RPGRIP1L: variants seen among roughly 807,000 people sequenced by gnomAD.
RPGRIP1L encodes the protein RPGRIP1 like.
In RPGRIP1L, 131 loss-of-function variants were observed where a neutral mutation model predicts 160.4. The observed-to-expected ratio is 0.82, with a 90% CI of 0.71 to 0.94. The LOEUF is 0.94. RPGRIP1L is among the 40% of genes least tolerant of loss of function. The pLI is 0.00. For missense variants in RPGRIP1L, 1,522 were observed against 1,535.8 expected (o/e 0.99, Z 0.15); for synonymous variants, 510 against 515.8 (o/e 0.99, Z 0.15).
chr16:53,657,869 T>C (rs1474396371), intron 12 of RPGRIP1L, among the ~76,000 whole-genome samples: 2 of 152,108 alleles, frequency 1.3e-5, no homozygotes, highest in East Asian at 1.9e-4. Flanking sequence ...GGAACAGTTA[T>C]AGAGAAATCA....
chr16:53,626,230 A>C (rs1965168309), intron 22 of RPGRIP1L, among the ~76,000 whole-genome samples: 1 of 152,092 alleles, frequency 6.6e-6, no homozygotes. Context: ...ATACTGATTC[A>C]AATGACAGTA....
chr16:53,619,167 A>G lies in RPGRIP1L; in HGVS notation c.3474T>C (p.Leu1158=). 6.2e-7 allele frequency: 1 copy of G among 1,613,994 alleles called. No homozygotes were observed. Among genetic ancestry groups the G allele is most frequent in the South Asian group, 1.1e-5 (1 of 91,076 alleles). ...KIRIEIIALS[L]NDSQVTMDDT... ...CATCCATGGTTACTTGAGAATCATTAAGGCTTAGAGCTATGATCTCAATCC... is the reference window on the plus strand; with the variant it reads ...CATCCATGGTTACTTGAGAATCATTGAGGCTTAGAGCTATGATCTCAATCC... Residue 1158 remains leucine (L), a synonymous_variant, in exon 24 of 27, where the codon CTT becomes CTC. Coordinates refer to ENST00000647211, the MANE Select transcript of RPGRIP1L (RefSeq NM_015272.5).
Position 53,601,829 on chromosome 16 carries a change from T to C in RPGRIP1L, c.*247A>G, listed in dbSNP as rs1963390918. On this transcript the variant is annotated 3_prime_UTR_variant, in exon 27 of 27. Transcript: ENST00000647211. ...CACGCTATCACGTAGGTATAAATTA[T>C]TGAGAAGGTACTGCCCATTATGGAG... The C allele has an allele frequency of 8.9e-6, 4 of 449,308 alleles. No individual in the cohort carries two copies. Among genetic ancestry groups the C allele is most frequent in the Non-Finnish European group, 1.2e-5 (3 of 244,932 alleles). 27.8% of individuals were successfully genotyped at this position (449,308 alleles called of 1,614,324 possible).
chr16:53,602,120 G>A lies in RPGRIP1L; in HGVS notation c.3904C>T (p.Leu1302Phe). 1 of 1,613,816 alleles carries A rather than the reference G, an allele frequency of 6.2e-7. No individual in the cohort carries two copies. The highest frequency in any genetic ancestry group is 8.5e-7 in the Non-Finnish European group (1 of 1,179,784). Residue 1302 changes from leucine (L) to phenylalanine (F), a missense_variant, in exon 27 of 27, where the codon CTC becomes TTC. Transcript: ENST00000647211. ...LRVTVEALHA[L>F]QSVYKQYRDD... ...CTGTATTGCTTGTAGACAGACTGGA[G>A]GGCATGGAGAGCTTCGACTGTTACC... is the stretch of plus-strand genomic sequence containing the variant.
intron 6 of RPGRIP1L, among the ~76,000 whole-genome samples, chr16:53,676,299 T>C (rs1009958508): frequency 5.3e-5 from 8 of 152,118 alleles, no homozygotes; most frequent in African/African-American, 1.9e-4. Flanking sequence ...AATAATTATA[T>C]GTCTAAAACA....
intron 2 of RPGRIP1L, among the ~76,000 whole-genome samples, chr16:53,696,785 A>T (rs1335284373): frequency 6.6e-6 from 1 of 152,212 alleles, no homozygotes; most frequent in Non-Finnish European, 1.5e-5. Context: ...AAATTTAAAA[A>T]TTTTCATTTA....
chr16:53,627,839 T>C (rs1357119389), intron 22 of RPGRIP1L, among the ~76,000 whole-genome samples: 1 of 147,278 alleles, frequency 6.8e-6, no homozygotes, highest in Non-Finnish European at 1.5e-5. Context: ...ATTGCATATA[T>C]AATCTATAGT....
At chr16:53,655,588 A>G (rs1967184371) in intron 14 of RPGRIP1L, 1 of 152,200 alleles carries the variant, frequency 6.6e-6, no homozygotes, top group South Asian at 2.1e-4. Context: ...ATGCTCCCCA[A>G]ACTTACAGCT....
intron 6 of RPGRIP1L, among the ~76,000 whole-genome samples, chr16:53,684,530 G>A (rs953567076): frequency 2.6e-5 from 4 of 151,876 alleles, no homozygotes; most frequent in African/African-American, 9.7e-5. Context: ...ACTCATAGGT[G>A]GGAATTGAAC....
intron 6 of RPGRIP1L, among the ~76,000 whole-genome samples, chr16:53,684,385 C>T (rs935942004): frequency 3.3e-5 from 5 of 152,136 alleles, no homozygotes; most frequent in South Asian, 4.2e-4. Flanking sequence ...AAATGTGGCA[C>T]ATATACACCA....
At chr16:53,700,612 A>G (rs1349159895) in intron 2 of RPGRIP1L, 27 bp downstream of exon 2, 1 of 1,549,092 alleles carries the variant, frequency 6.5e-7, no homozygotes, top group East Asian at 2.2e-5. Context: ...AAAGTTCATA[A>G]CTGTAATAAA....
rs865856552 is a variant in RPGRIP1L at position 53,638,402 on chromosome 16, G to A, written c.2968C>T (p.Pro990Ser). 6.5e-7 allele frequency: 1 copy of A among 1,535,502 alleles called. No individual in the cohort carries two copies. The highest frequency in any genetic ancestry group is 1.1e-5 in the South Asian group (1 of 89,350). Residue 990 changes from proline to serine, a missense_variant, in exon 20 of 27, where the codon CCT becomes TCT. By Grantham distance (74) the Pro-to-Ser change is moderately conservative. Coordinates refer to ENST00000647211, the MANE Select transcript of RPGRIP1L (RefSeq NM_015272.5). ...ATTTCCTTCCTATCTTCAGGAGGAGGAGAAGTCTCCTTATATTAATGTGAA... is the reference window on the plus strand; with the variant it reads ...ATTTCCTTCCTATCTTCAGGAGGAGAAGAAGTCTCCTTATATTAATGTGAA... ...IMPHQSDETS[P>S]PPEDRKEISP...
chr16:53,627,458 T>C (rs924847863), intron 22 of RPGRIP1L, among the ~76,000 whole-genome samples: 6 of 152,212 alleles, frequency 3.9e-5, no homozygotes, highest in Non-Finnish European at 8.8e-5. Context: ...GATGTTACCA[T>C]TTTTCTATAA....
intron 14 of RPGRIP1L, among the ~76,000 whole-genome samples, chr16:53,653,688 C>T (rs1966996882): frequency 6.6e-6 from 1 of 152,160 alleles, no homozygotes; most frequent in African/African-American, 2.4e-5. Flanking sequence ...GCTTCTCCTC[C>T]TATCCTTCTT....
At chr16:53,650,222 C>A (rs1025637980) in intron 15 of RPGRIP1L, among the ~76,000 whole-genome samples, 1 of 152,048 alleles carries the variant, frequency 6.6e-6, no homozygotes, top group Admixed American at 6.6e-5. Context: ...TTATAACAGG[C>A]CGAGATTGAC....
At chr16:53,663,983 C>T (rs563804105) in intron 10 of RPGRIP1L, among the ~76,000 whole-genome samples, 11 of 152,214 alleles carry the variant, frequency 7.2e-5, no homozygotes, top group East Asian at 5.8e-4. Context: ...TAACTAGAAA[C>T]GTAACTGTTT....
rs187449997 is a variant in RPGRIP1L, at chr16:53,684,606, G to C, written c.776+1827C>G. The stretch of plus-strand genomic sequence containing the variant: ...CAGGGACTGTTATGGGTGGGGGTTG[G>C]GGGGAGGGATAACATTAGGAGATAT... On this transcript the variant is annotated intron_variant, in intron 6 of 26. Coordinates refer to ENST00000647211, the MANE Select transcript of RPGRIP1L (RefSeq NM_015272.5). 1.8e-4 allele frequency among the ~76,000 whole-genome samples: 27 copies of C among 152,070 alleles called. No homozygotes were observed. The East Asian group carries it at 4.8e-3, about 27-fold the overall frequency.
At position 53,696,231 on chromosome 16, in the gene RPGRIP1L, C is replaced by T; in HGVS notation, c.150G>A (p.Leu50=). The stretch of plus-strand genomic sequence containing the variant: ...CATGCAAACGCAAAAATCTGTCTTC[C>T]AGTTCCTCACGACTGACACGTGACA... The part of the protein sequence containing the change: ...QAVSRVSREE[L]EDRFLRLHDE... The change falls in exon 3 of 27, where the codon CTG becomes CTA. Residue 50 remains leucine, a synonymous_variant. Transcript: ENST00000647211. The T allele has an allele frequency of 6.2e-7, 1 of 1,614,034 alleles. No homozygotes were observed. Among genetic ancestry groups the T allele is most frequent in the Non-Finnish European group, 8.5e-7 (1 of 1,179,978 alleles).
chr16:53,675,051 G>C lies in RPGRIP1L; in HGVS notation c.848C>G (p.Ser283Ter). Residue 283 changes from serine (S) to a stop codon, truncating the protein, a stop_gained, in exon 7 of 27, where the codon TCA becomes TGA. Coordinates refer to ENST00000647211, the MANE Select transcript of RPGRIP1L (RefSeq NM_015272.5). LOFTEE classifies it high-confidence loss of function. The stretch of plus-strand genomic sequence containing the variant: ...CTGAATAAATTTTCCTTCCATTGCT[G>C]AAAGAGCATTGCTTTTCTCTACTAG... The part of the protein sequence containing the change: ...KQLVEKSNAL[S>*]AMEGKFIQLQ... 6.2e-7 allele frequency: 1 copy of C among 1,610,378 alleles called. No individual in the cohort carries two copies. Among genetic ancestry groups the C allele is most frequent in the Non-Finnish European group, 8.5e-7 (1 of 1,177,988 alleles).
Sources: allele counts gnomAD v4.1 joint callset (sites outside exome capture counted in the v4.1 genomes callset), GRCh38; gene constraint gnomAD v4.1.1; transcripts MANE v1.5; gene names NCBI Gene and HGNC (gene_info 2026-07-23, HGNC 2026-07-21).